Variants in RNF149 observed in about 807,000 individuals in gnomAD.
RNF149 encodes E3 ubiquitin-protein ligase RNF149.
RNF149 carries 21 observed loss-of-function variants against 39.0 expected under a neutral mutation model. The ratio of observed to expected loss-of-function variants is 0.54; its 90% CI spans 0.38 to 0.77. RNF149 has a LOEUF of 0.77. RNF149 is among the 30% of genes least tolerant of loss of function. RNF149 has a pLI of 0.00. For missense variants in RNF149, 493 were observed against 534.9 expected, an observed-to-expected ratio of 0.92 and a Z score of 0.77; for synonymous variants, 209 against 213.6, an observed-to-expected ratio of 0.98 and a Z score of 0.19.
Position 101,308,655 on chromosome 2 carries a change from G to C in RNF149, c.-67C>G, listed in dbSNP as rs1198532782. ...GCGAGTGCGGTGCAGTCGAAGAGCA[G>C]AGAGAAGCGGACACCCACCGCCGCC... On this transcript the variant is annotated 5_prime_UTR_variant, in exon 1 of 7. Coordinates refer to ENST00000295317, the MANE Select transcript of RNF149 (RefSeq NM_173647.4). 7.4e-7 allele frequency: 1 copy of C among 1,353,632 alleles called. No individual in the cohort carries two copies. Among genetic ancestry groups the C allele is most frequent in the Non-Finnish European group, 9.7e-7 (1 of 1,035,928 alleles). The allele number at this position is 1,353,632 out of a possible 1,614,324, so 83.9% of individuals were successfully genotyped here.
chr2:101,272,522 C>T (rs980263151), downstream of RNF149, among the ~76,000 whole-genome samples: 4 of 152,102 alleles, frequency 2.6e-5, no homozygotes, highest in South Asian at 2.1e-4. Context: ...TTGTAGGTGG[C>T]GTTTCTAGTT....
intron 5 of RNF149, among the ~76,000 whole-genome samples, chr2:101,283,271 C>T (rs528202893): frequency 1.3e-5 from 2 of 152,324 alleles, no homozygotes; most frequent in South Asian, 2.1e-4. Flanking sequence ...TGACCCCCTA[C>T]CAGTCCAGAA....
intron 3 of RNF149, among the ~76,000 whole-genome samples, chr2:101,289,707 C>CA (rs1248141764): frequency 0.015 from 1,013 of 68,652 alleles, 9 homozygotes; most frequent in African/African-American, 0.036. Context: ...GACTCTGTCT[C>CA]AAAAAAAAAA....
chr2:101,301,771 C>A (rs139806036), intron 1 of RNF149, among the ~76,000 whole-genome samples: 1 of 152,238 alleles, frequency 6.6e-6, no homozygotes, highest in Admixed American at 6.5e-5. Flanking sequence ...GAAAAAAGTT[C>A]TGACTTGGTC....
rs371166611 is a variant in RNF149 at position 101,277,277 on chromosome 2, G to A, written c.1164C>T (p.Ala388=). ...CTCCATGCCGAGAGTCACTCCTGCC[G>A]GCTTCTGCAAGAGAGCAACATAAGC... is the stretch of plus-strand genomic sequence containing the variant. The part of the protein sequence containing the change: ...DAGENTALLE[A]GRSDSRHGGP... Residue 388 remains alanine (A), a synonymous_variant, in exon 7 of 7, where the codon GCC becomes GCT. Transcript: ENST00000295317. 30 of 1,612,616 alleles carry A rather than the reference G, an allele frequency of 1.9e-5. No homozygotes were observed. The highest frequency in any genetic ancestry group is 3.3e-4 in the Middle Eastern group (2 of 6,078).
chr2:101,278,643 T>C (rs898856159), intron 6 of RNF149, among the ~76,000 whole-genome samples: 3 of 152,242 alleles, frequency 2.0e-5, no homozygotes, highest in Admixed American at 6.5e-5. Context: ...CACTAATTCA[T>C]GTGCATTACC....
chr2:101,298,771 G>C (rs1323431756), intron 1 of RNF149, among the ~76,000 whole-genome samples: 1 of 152,206 alleles, frequency 6.6e-6, no homozygotes, highest in Non-Finnish European at 1.5e-5. Context: ...ACTGTTTCTG[G>C]GGAGAGGCGC....
At chr2:101,302,788 G>A (rs1028875025) in intron 1 of RNF149, among the ~76,000 whole-genome samples, 12 of 152,054 alleles carry the variant, frequency 7.9e-5, no homozygotes, top group African/African-American at 1.4e-4. Context: ...AGAAGCAGCC[G>A]GGCAACACAC....
chr2:101,294,507 T>G, intron 2 of RNF149: 1 of 197,984 alleles, frequency 5.1e-6, no homozygotes, highest in Middle Eastern at 2.2e-3. Context: ...AACAGTCAAC[T>G]TTCCACAATG....
rs1682332240 is a variant in RNF149 at position 101,275,985 on chromosome 2, T to G, written c.*1253A>C. ...TTCAGTAAAACTGTTTACTATTTCA[T>G]GATGAGTAGCTAGAATTAAAGCATT... On this transcript the variant is annotated 3_prime_UTR_variant, in exon 7 of 7. Transcript: ENST00000295317. The G allele has an allele frequency of 9.5e-6, 9 of 948,962 alleles. No homozygotes were observed. The highest frequency in any genetic ancestry group is 1.1e-5 in the Non-Finnish European group (9 of 797,014). The allele number at this position is 948,962 out of a possible 1,614,324, so 58.8% of individuals were successfully genotyped here.
chr2:101,290,584 T>C (rs570483382), intron 3 of RNF149, among the ~76,000 whole-genome samples: 2 of 152,224 alleles, frequency 1.3e-5, no homozygotes, highest in South Asian at 2.1e-4. Context: ...ACTAGTTTTC[T>C]GGAATCATAT....
At chr2:101,272,985 C>T, downstream of RNF149, 2 of 1,352,326 alleles carry the variant, frequency 1.5e-6, no homozygotes, top group South Asian at 1.1e-5. Context: ...CATCGTGTGC[C>T]CATGGAGAGC....
At chr2:101,298,012 A>G (rs192568111) in intron 1 of RNF149, among the ~76,000 whole-genome samples, 1 of 152,360 alleles carries the variant, frequency 6.6e-6, no homozygotes, top group Non-Finnish European at 1.5e-5. Context: ...GGGTGAATAA[A>G]TTATTACACT....
intron 6 of RNF149, among the ~76,000 whole-genome samples, chr2:101,279,705 C>CT (rs1315861556): frequency 2.6e-5 from 4 of 152,158 alleles, no homozygotes; most frequent in African/African-American, 9.7e-5. Flanking sequence ...ATCTATTCTC[C>CT]TTTTTTTGTT....
downstream of RNF149, among the ~76,000 whole-genome samples, chr2:101,272,113 C>G (rs1682154936): frequency 1.3e-5 from 2 of 152,182 alleles, no homozygotes; most frequent in Admixed American, 1.3e-4. Flanking sequence ...TTACTGATTT[C>G]ACTTTACATC....
At chr2:101,304,114 T>C (rs1479646613) in intron 1 of RNF149, among the ~76,000 whole-genome samples, 2 of 152,204 alleles carry the variant, frequency 1.3e-5, no homozygotes, top group Non-Finnish European at 2.9e-5. Context: ...ATTAAATCCC[T>C]TTCCTTAGAC....
At chr2:101,293,664 T>C (rs78625021) in intron 3 of RNF149, among the ~76,000 whole-genome samples, 2,564 of 152,256 alleles carry the variant, frequency 0.017, 68 homozygotes, top group African/African-American at 0.057. Flanking sequence ...TTAACAGAAA[T>C]GAACTGAAGC....
chr2:101,273,022 C>T (rs200411630), downstream of RNF149: 654 of 1,352,852 alleles, frequency 4.8e-4, no homozygotes, highest in Non-Finnish European at 6.0e-4. Context: ...CACTGCAATT[C>T]GGCCTTTTCT....
chr2:101,281,138 T>C (rs1682566683), intron 6 of RNF149, among the ~76,000 whole-genome samples: 1 of 152,232 alleles, frequency 6.6e-6, no homozygotes, highest in African/African-American at 2.4e-5. Flanking sequence ...GGCATAAGTA[T>C]ATATACATAA....
Sources: allele counts gnomAD v4.1 joint callset (sites outside exome capture counted in the v4.1 genomes callset), GRCh38; gene constraint gnomAD v4.1.1; transcripts MANE v1.5; gene names NCBI Gene and HGNC (gene_info 2026-07-23, HGNC 2026-07-21).